The following LMNTD1 variants were observed in gnomAD, a reference collection of about 807,000 sequenced individuals.
LMNTD1 encodes lamin tail domain-containing protein 1.
LMNTD1 carries 35 observed loss-of-function variants against 50.9 expected under a neutral mutation model. That is an observed-to-expected ratio of 0.69 (90% CI 0.53 to 0.91). LMNTD1 has a LOEUF of 0.91. Among genes scored for constraint, LMNTD1 ranks in the 40% least tolerant of loss-of-function variants. The pLI is 0.00. For missense variants in LMNTD1, 470 were observed against 475.5 expected, an observed-to-expected ratio of 0.99 and a Z score of 0.11; for synonymous variants, 153 against 161.9, an observed-to-expected ratio of 0.94 and a Z score of 0.42.
At chr12:25,626,649 AAAAG>A (rs1455067291) in intron 1 of LMNTD1, among the ~76,000 whole-genome samples, 1 of 152,212 alleles carries the variant, frequency 6.6e-6, no homozygotes, top group East Asian at 1.9e-4. Context: ...CATAGTATTT[AAAAG>A]ATAGGATACA....
intron 1 of LMNTD1, among the ~76,000 whole-genome samples, chr12:25,590,639 C>A (rs772916218): frequency 3.9e-5 from 6 of 152,166 alleles, no homozygotes; most frequent in African/African-American, 7.2e-5. Context: ...TAAAAACAGA[C>A]CCCTTGCCTC....
intron 1 of LMNTD1, among the ~76,000 whole-genome samples, chr12:25,576,095 G>A (rs1440046535): frequency 3.3e-5 from 5 of 152,146 alleles, no homozygotes; most frequent in African/African-American, 7.2e-5. Flanking sequence ...TATCATTGAC[G>A]GACATTTGGG....
At chr12:25,619,252 C>CTCTATATATATATATATATATATATA (rs1374134268) in intron 1 of LMNTD1, among the ~76,000 whole-genome samples, 2 of 84,440 alleles carry the variant, frequency 2.4e-5, no homozygotes, top group Non-Finnish European at 4.6e-5. Context: ...CTCTCTCTCT[C>CTCTATATATATATATATATATATATA]TATATATATA....
chr12:25,493,529 AG>A (rs1476761973), intron 9 of LMNTD1, among the ~76,000 whole-genome samples: 1 of 152,204 alleles, frequency 6.6e-6, no homozygotes, highest in Non-Finnish European at 1.5e-5. Flanking sequence ...AAAACATAAA[AG>A]GCCATAGTCT....
At chr12:25,481,888 C>CACAT (rs1187451225) in intron 9 of LMNTD1, among the ~76,000 whole-genome samples, 1 of 150,790 alleles carries the variant, frequency 6.6e-6, no homozygotes, top group African/African-American at 2.5e-5. Context: ...CACACACACA[C>CACAT]ACACACACAC....
intron 1 of LMNTD1, among the ~76,000 whole-genome samples, chr12:25,563,479 T>C (rs772189842): frequency 5.9e-5 from 9 of 152,160 alleles, no homozygotes; most frequent in Non-Finnish European, 1.3e-4. Context: ...GAACGGCAGA[T>C]GTTGCTGCCT....
chr12:25,558,703 G>C (rs372642726), intron 1 of LMNTD1, among the ~76,000 whole-genome samples: 1 of 152,160 alleles, frequency 6.6e-6, no homozygotes, highest in South Asian at 2.1e-4. Context: ...AAGGGCAAAG[G>C]GTTGTCTCAC....
intron 1 of LMNTD1, among the ~76,000 whole-genome samples, chr12:25,578,225 A>C (rs919018179): frequency 5.3e-5 from 8 of 152,188 alleles, no homozygotes; most frequent in Non-Finnish European, 8.8e-5. Flanking sequence ...TCCCTAAAAT[A>C]TAGCATTTAC....
At chr12:25,583,848 G>A (rs1177729347) in intron 1 of LMNTD1, among the ~76,000 whole-genome samples, 1 of 152,224 alleles carries the variant, frequency 6.6e-6, no homozygotes, top group South Asian at 2.1e-4. Flanking sequence ...TCCTCTGAGA[G>A]AGAAGGAAAA....
Position 25,526,201 on chromosome 12 carries a change from A to G in LMNTD1, c.696T>C (p.Ser232=). Residue 232 remains serine, a synonymous_variant, in exon 6 of 10, where the codon TCT becomes TCC. Transcript: ENST00000458174. ...NSTVTVWAAA[S]EAKHQPPSDF... The stretch of plus-strand genomic sequence containing the variant: ...CTGATGGAGGTTGATGCTTTGCTTC[A>G]GATGCTGCTGCCCACACCTGTAATA... 1.9e-6 allele frequency: 3 copies of G among 1,610,804 alleles called. No individual in the cohort carries two copies. Among genetic ancestry groups the G allele is most frequent in the Non-Finnish European group, 2.5e-6 (3 of 1,178,366 alleles).
chr12:25,501,846 T>TA (rs2135940331), intron 9 of LMNTD1, among the ~76,000 whole-genome samples: 1 of 151,468 alleles, frequency 6.6e-6, no homozygotes, highest in African/African-American at 2.4e-5. Flanking sequence ...TAGCAATAGA[T>TA]AAATCATCCA....
intron 8 of LMNTD1, among the ~76,000 whole-genome samples, chr12:25,510,488 GT>G (rs1940182302): frequency 6.6e-6 from 1 of 151,920 alleles, no homozygotes; most frequent in South Asian, 2.1e-4. Context: ...CTTTGTATCA[GT>G]TTTTGAGAAT....
chr12:25,645,192 T>C (rs949505248), intron 1 of LMNTD1, among the ~76,000 whole-genome samples: 3 of 152,184 alleles, frequency 2.0e-5, no homozygotes, highest in Non-Finnish European at 4.4e-5. Context: ...AGTTGGAGTC[T>C]AGCCAGGTAA....
intron 4 of LMNTD1, among the ~76,000 whole-genome samples, chr12:25,533,787 T>C (rs770338985): frequency 2.0e-5 from 3 of 152,224 alleles, no homozygotes; most frequent in African/African-American, 2.4e-5. Context: ...GACAAGGTTC[T>C]AAATCATCCA....
At position 25,476,365 on chromosome 12, in the gene LMNTD1, C is replaced by A. The variant is rs1405419102; in HGVS notation, c.*118G>T. On this transcript the variant is annotated 3_prime_UTR_variant, in exon 10 of 10. Coordinates refer to ENST00000458174, the MANE Select transcript of LMNTD1 (RefSeq NM_001145728.2). ...TCCATATAGAAATGTGATGTCTTCA[C>A]CCTCTCATGGAATAGCAGGGAGGTT... 1.3e-5 allele frequency: 2 copies of A among 152,136 alleles called. No individual in the cohort carries two copies. The highest frequency in any genetic ancestry group is 2.9e-5 in the Non-Finnish European group (2 of 68,032). The allele number at this position is 152,136 out of a possible 1,614,324, so 9.4% of individuals were successfully genotyped here.
intron 1 of LMNTD1, among the ~76,000 whole-genome samples, chr12:25,639,781 C>T (rs148837778): frequency 3.3e-5 from 5 of 152,134 alleles, no homozygotes; most frequent in East Asian, 1.9e-4. Flanking sequence ...CCTTATGACT[C>T]GGCAATTCCA....
intron 4 of LMNTD1, among the ~76,000 whole-genome samples, chr12:25,530,993 G>A (rs909331103): frequency 1.3e-5 from 2 of 152,170 alleles, no homozygotes; most frequent in African/African-American, 4.8e-5. Context: ...GCACGAGAAG[G>A]ATTCGATGCA....
At chr12:25,574,692 G>T (rs1023866579) in intron 1 of LMNTD1, among the ~76,000 whole-genome samples, 2 of 151,936 alleles carry the variant, frequency 1.3e-5, no homozygotes, top group Non-Finnish European at 1.5e-5. Context: ...TTTCATTACC[G>T]TTGTTTTTGT....
chr12:25,567,787 C>T (rs1944615856), intron 1 of LMNTD1, among the ~76,000 whole-genome samples: 1 of 152,066 alleles, frequency 6.6e-6, no homozygotes. Flanking sequence ...AAGCAGATGC[C>T]AGCACCATGC....
Sources: gnomAD v4.1 joint callset for allele counts (sites outside exome capture counted in the v4.1 genomes callset) on GRCh38, gnomAD v4.1.1 for gene constraint, MANE v1.5 for transcripts, NCBI Gene and HGNC (gene_info 2026-07-23, HGNC 2026-07-21) for gene names.